Variants in MAGI2 observed in about 807,000 individuals in gnomAD.
The protein encoded by MAGI2 is membrane-associated guanylate kinase, WW and PDZ domain-containing protein 2.
In MAGI2, 35 loss-of-function variants were observed where a neutral mutation model predicts 133.3. The observed-to-expected ratio is 0.26, with a 90% CI of 0.20 to 0.35. The LOEUF is 0.35. Among genes scored for constraint, MAGI2 ranks in the 10% least tolerant of loss-of-function variants. The pLI is 1.00. For synonymous variants in MAGI2, 729 were observed against 710.6 expected (o/e 1.03, Z -0.41); for missense variants, 1,636 against 1,863.4 (o/e 0.88, Z 2.25).
In MAGI2 at chr7:78,019,222, G is replaced by T; in HGVS notation, c.*93C>A. 1 of 1,408,526 alleles carries T rather than the reference G, an allele frequency of 7.1e-7. No individual in the cohort carries two copies. 87.3% of individuals were successfully genotyped at this position (1,408,526 alleles called of 1,614,324 possible). ...GCCTTGGTGCCTCGTGGATCTATGC[G>T]TGTGACAGTGAAAATAAATTAAAAC... On this transcript the variant is annotated 3_prime_UTR_variant, in exon 22 of 22. Coordinates refer to ENST00000354212, the MANE Select transcript of MAGI2 (RefSeq NM_012301.4).
At chr7:78,106,327 C>T (rs1450752819) in intron 20 of MAGI2, among the ~76,000 whole-genome samples, 1 of 152,038 alleles carries the variant, frequency 6.6e-6, no homozygotes, top group African/African-American at 2.4e-5. Flanking sequence ...CAAGGGGGTG[C>T]ACATATCTCT....
At chr7:79,362,009 G>GA (rs1020598240) in intron 1 of MAGI2, among the ~76,000 whole-genome samples, 4 of 151,878 alleles carry the variant, frequency 2.6e-5, no homozygotes, top group African/African-American at 7.3e-5. Flanking sequence ...AAATTTCTAG[G>GA]AAAAAATCTG....
At chr7:79,306,188 C>CATATATATATACATGTATAT (rs1255171830) in intron 1 of MAGI2, among the ~76,000 whole-genome samples, 2 of 142,980 alleles carry the variant, frequency 1.4e-5, no homozygotes, top group Admixed American at 1.4e-4. Context: ...TATATATACA[C>CATATATATATACATGTATAT]ATATATATAT....
chr7:78,970,997 A>G (rs1350508572), intron 2 of MAGI2, among the ~76,000 whole-genome samples: 1 of 152,064 alleles, frequency 6.6e-6, no homozygotes, highest in African/African-American at 2.4e-5. Flanking sequence ...CAAATGACTT[A>G]ATGAGAATGA....
intron 2 of MAGI2, among the ~76,000 whole-genome samples, chr7:78,848,486 C>T (rs570787923): frequency 6.6e-6 from 1 of 151,990 alleles, no homozygotes; most frequent in Non-Finnish European, 1.5e-5. Flanking sequence ...ATTTTAAAGA[C>T]TTAAATTAGA....
Position 78,553,666 on chromosome 7 carries a change from T to C in MAGI2, c.539-32021A>G, listed in dbSNP as rs150839177. 5.5e-3 allele frequency among the ~76,000 whole-genome samples: 835 copies of C among 152,284 alleles called. 8 individuals are homozygous for C. The highest frequency in any genetic ancestry group is 0.016 in the African/African-American group (673 of 41,552). On this transcript the variant is annotated intron_variant, in intron 3 of 21. Transcript: ENST00000354212. ...GACACTGTCCTGGGTGCTAGATACA[T>C]CCATTAATATGCTCAACAGTTCTGT...
At chr7:78,810,887 G>C (rs781206205) in intron 2 of MAGI2, among the ~76,000 whole-genome samples, 4 of 151,972 alleles carry the variant, frequency 2.6e-5, no homozygotes, top group Non-Finnish European at 5.9e-5. Context: ...TAACTGACAT[G>C]AGCTTTAGGA....
At chr7:79,262,250 G>A (rs1423893850) in intron 1 of MAGI2, among the ~76,000 whole-genome samples, 2 of 152,234 alleles carry the variant, frequency 1.3e-5, no homozygotes, top group South Asian at 4.1e-4. Context: ...AATAAACTCA[G>A]TTTTGTTTTA....
intron 10 of MAGI2, among the ~76,000 whole-genome samples, chr7:78,249,770 A>G (rs989974654): frequency 6.6e-6 from 1 of 152,048 alleles, no homozygotes; most frequent in African/African-American, 2.4e-5. Context: ...AGGAGAAAAT[A>G]GTTCCTGTGT....
At chr7:78,688,855 A>G (rs1323946821) in intron 2 of MAGI2, among the ~76,000 whole-genome samples, 2 of 152,260 alleles carry the variant, frequency 1.3e-5, no homozygotes, top group African/African-American at 4.8e-5. Flanking sequence ...GATAAAATAG[A>G]AAAGAAGAAA....
chr7:78,645,111 CGT>C (rs1554510948), intron 2 of MAGI2, among the ~76,000 whole-genome samples: 150 of 147,680 alleles, frequency 1.0e-3, no homozygotes, highest in African/African-American at 2.1e-3. Flanking sequence ...TATGTGTGTG[CGT>C]GTGTGTGTGT....
At chr7:78,189,107 C>T (rs1245705362) in intron 12 of MAGI2, among the ~76,000 whole-genome samples, 1 of 152,126 alleles carries the variant, frequency 6.6e-6, no homozygotes, top group Non-Finnish European at 1.5e-5. Flanking sequence ...AAGGAAAGAG[C>T]AGCAGAAAAC....
At chr7:78,466,605 GAC>G (rs1235902803) in intron 6 of MAGI2, among the ~76,000 whole-genome samples, 1 of 152,198 alleles carries the variant, frequency 6.6e-6, no homozygotes, top group Non-Finnish European at 1.5e-5. Context: ...GCTTTAAAAT[GAC>G]AGTTTTAAAT....
intron 2 of MAGI2, among the ~76,000 whole-genome samples, chr7:78,974,609 A>G (rs1224886341): frequency 6.6e-6 from 1 of 151,828 alleles, no homozygotes; most frequent in East Asian, 1.9e-4. Flanking sequence ...TTAACTCTTC[A>G]TTTTTAGCAC....
intron 3 of MAGI2, among the ~76,000 whole-genome samples, chr7:78,595,256 G>C (rs891738956): frequency 6.6e-6 from 1 of 152,020 alleles, no homozygotes; most frequent in Non-Finnish European, 1.5e-5. Context: ...TGGAGTCAGA[G>C]TAAAAACAAA....
rs1810642035 is a variant in MAGI2, at chr7:79,032,097, A to T, written c.302-24891T>A. Among the ~76,000 whole-genome samples the T allele has an allele frequency of 2.6e-5, 4 of 152,208 alleles. 1 individual carries two copies. The South Asian group carries it at 8.3e-4, about 31-fold the overall frequency. ...CATTAAGTAAAAATGAAAGTTTTTGACCTAGTGAATCATCATGAGGAAAAA... is the reference window on the plus strand; with the variant it reads ...CATTAAGTAAAAATGAAAGTTTTTGTCCTAGTGAATCATCATGAGGAAAAA... On this transcript the variant is annotated intron_variant, in intron 1 of 21. Coordinates refer to ENST00000354212, the MANE Select transcript of MAGI2 (RefSeq NM_012301.4).
intron 1 of MAGI2, among the ~76,000 whole-genome samples, chr7:79,442,521 G>A (rs184615476): frequency 1.6e-4 from 24 of 150,276 alleles, no homozygotes; most frequent in Non-Finnish European, 3.0e-4. Context: ...CAAATCTGTT[G>A]TTCACTAGGG....
intron 2 of MAGI2, among the ~76,000 whole-genome samples, chr7:78,923,098 C>G (rs137965894): frequency 6.6e-5 from 10 of 151,830 alleles, no homozygotes; most frequent in Non-Finnish European, 1.3e-4. Context: ...TATTAGCCCT[C>G]TGTCAGATGA....
At chr7:78,653,673 T>C (rs958169984) in intron 2 of MAGI2, among the ~76,000 whole-genome samples, 18 of 151,358 alleles carry the variant, frequency 1.2e-4, no homozygotes, top group Non-Finnish European at 8.8e-5. Flanking sequence ...TTAGGAGAAA[T>C]ACCTAATGTA....
Sources: allele counts gnomAD v4.1 joint callset (sites outside exome capture counted in the v4.1 genomes callset), GRCh38; gene constraint gnomAD v4.1.1; transcripts MANE v1.5; gene names NCBI Gene and HGNC (gene_info 2026-07-23, HGNC 2026-07-21).